HELB: variants seen among roughly 807,000 people sequenced by gnomAD.
HELB encodes the protein DNA helicase B.
In HELB, 96 loss-of-function variants were observed where a neutral mutation model predicts 101.7. The ratio of observed to expected loss-of-function variants is 0.94; its 90% CI spans 0.80 to 1.12. HELB has a LOEUF of 1.12. Ranked by LOEUF, HELB falls within the 50% of genes most tolerant of loss-of-function variation. HELB has a pLI of 0.00. For missense variants in HELB, 1,210 were observed against 1,291.9 expected (o/e 0.94, Z 0.97); for synonymous variants, 437 against 459.7 (o/e 0.95, Z 0.63).
chr12:66,331,869 A>G (rs2053814006), intron 12 of HELB, among the ~76,000 whole-genome samples: 1 of 152,090 alleles, frequency 6.6e-6, no homozygotes, highest in Non-Finnish European at 1.5e-5. Context: ...ACAACTCCCC[A>G]AAGCTCAGTT....
intron 4 of HELB, among the ~76,000 whole-genome samples, chr12:66,313,181 C>T (rs538812785): frequency 6.9e-6 from 1 of 144,772 alleles, no homozygotes; most frequent in East Asian, 2.0e-4. Flanking sequence ...ACTTAATAGA[C>T]AGTTGAATCT....
intron 5 of HELB, among the ~76,000 whole-genome samples, chr12:66,314,661 A>G (rs2053581362): frequency 6.6e-6 from 1 of 152,132 alleles, no homozygotes; most frequent in Non-Finnish European, 1.5e-5. Context: ...ACAATTGGAG[A>G]ATCAAGTTGT....
chr12:66,303,340 A>C (rs2053431912), intron 1 of HELB, among the ~76,000 whole-genome samples: 1 of 152,128 alleles, frequency 6.6e-6, no homozygotes, highest in African/African-American at 2.4e-5. Flanking sequence ...TTGGAAAAAC[A>C]AAACAGTCCG....
downstream of HELB, chr12:66,341,644 T>G (rs1471219829): frequency 6.6e-6 from 1 of 152,184 alleles, no homozygotes; most frequent in Non-Finnish European, 1.5e-5. Context: ...TCTGATATGG[T>G]TTGGCTCTCT....
chr12:66,334,238 A>T (rs578085297), intron 12 of HELB, among the ~76,000 whole-genome samples: 5 of 151,978 alleles, frequency 3.3e-5, no homozygotes, highest in African/African-American at 1.2e-4. Flanking sequence ...AGGCAGGAGG[A>T]TCGCTTGAGC....
chr12:66,328,519 C>G lies in HELB; in HGVS notation c.2671-2635C>G, dbSNP rs76474603. 5.9e-3 allele frequency among the ~76,000 whole-genome samples: 897 copies of G among 151,996 alleles called. 6 individuals are homozygous for G. The highest frequency in any genetic ancestry group is 0.01 in the Non-Finnish European group (694 of 67,954). ...TGGAGGCTGCAGTGAGCTCCTAGCC[C>G]GGGTGACAGAGTGAGACCCTCTCTC... On this transcript the variant is annotated intron_variant, in intron 11 of 12. Transcript: ENST00000247815.
chr12:66,323,866 A>C, intron 9 of HELB, 117 bp from the exon 10 acceptor site: 2 of 695,650 alleles, frequency 2.9e-6, no homozygotes, highest in Non-Finnish European at 4.9e-6. Context: ...AAGTGTTGTA[A>C]ATAAAATGTG....
At chr12:66,325,738 T>G (rs2053729659) in intron 11 of HELB, among the ~76,000 whole-genome samples, 1 of 152,208 alleles carries the variant, frequency 6.6e-6, no homozygotes, top group Admixed American at 6.5e-5. Flanking sequence ...TGCAACTAGC[T>G]TTTATTTTTT....
At position 66,304,953 on chromosome 12, in the gene HELB, C is replaced by T; in HGVS notation, c.410C>T (p.Ser137Phe). ...CTCTTTCTTAAAGAGTGTGAGGTCTCCAGTGATGATGTTAATAAATTTTTA... is the reference window on the plus strand; with the variant it reads ...CTCTTTCTTAAAGAGTGTGAGGTCTTCAGTGATGATGTTAATAAATTTTTA... Reference protein sequence around the residue: ...CALFLKECEVSSDDVNKFLTW... With the variant: ...CALFLKECEVFSDDVNKFLTW... Residue 137 changes from serine (S) to phenylalanine (F), a missense_variant, in exon 2 of 13, where the codon TCC (serine) becomes TTC (phenylalanine). Around this residue, in one of 2 missense-constraint regions of HELB, gnomAD observed 470 missense variants for 563.1 expected, o/e 0.83. Transcript: ENST00000247815. 6.2e-7 allele frequency: 1 copy of T among 1,613,876 alleles called. No homozygotes were observed. The highest frequency in any genetic ancestry group is 8.5e-7 in the Non-Finnish European group (1 of 1,179,886).
chr12:66,316,992 C>G (rs1302604838), intron 6 of HELB, among the ~76,000 whole-genome samples: 2 of 145,068 alleles, frequency 1.4e-5, no homozygotes, highest in Non-Finnish European at 3.0e-5. Flanking sequence ...GCACTCCAGC[C>G]TGGGTGATAC....
Position 66,325,095 on chromosome 12 carries a change from A to G in HELB, c.2639A>G (p.His880Arg), listed in dbSNP as rs774224675. 6.2e-7 allele frequency: 1 copy of G among 1,612,726 alleles called. No homozygotes were observed. Among genetic ancestry groups the G allele is most frequent in the South Asian group, 1.1e-5 (1 of 91,024 alleles). ...CTAATGAAATATTGTCGCATAAAAC[A>G]TGCATGGGCAAGAACTATTCACACT... is the stretch of plus-strand genomic sequence containing the variant. ...KKLMKYCRIKHAWARTIHTFQ... is the reference protein window; with the variant it reads ...KKLMKYCRIKRAWARTIHTFQ... Residue 880 changes from histidine to arginine, a missense_variant, in exon 11 of 13, where the codon CAT (histidine) becomes CGT (arginine). Physicochemically the swap from His to Arg is conservative, Grantham distance 29. Coordinates refer to ENST00000247815, the MANE Select transcript of HELB (RefSeq NM_001370285.1).
rs1451669279 is a variant in HELB at position 66,331,558 on chromosome 12, A to G, written c.3075A>G (p.Val1025=). ...GGCAATTATCTTCACCTGATGGAGT[A>G]GATACAGATGATGATTTACCAAAAT... The part of the protein sequence containing the change: ...ERWQLSSPDG[V]DTDDDLPKSR... Residue 1025 remains valine, a synonymous_variant, in exon 12 of 13, where the codon GTA becomes GTG. Transcript: ENST00000247815. 2 of 1,613,972 alleles carry G rather than the reference A, an allele frequency of 1.2e-6. No homozygotes were observed. Among genetic ancestry groups the G allele is most frequent in the South Asian group, 1.1e-5 (1 of 91,090 alleles).
intron 4 of HELB, among the ~76,000 whole-genome samples, chr12:66,312,962 A>G (rs2053560752): frequency 6.6e-6 from 1 of 152,218 alleles, no homozygotes; most frequent in African/African-American, 2.4e-5. Context: ...TATTGGAGTC[A>G]TCAAGTTGCT....
At chr12:66,335,211 A>G (rs1004979776) in intron 12 of HELB, among the ~76,000 whole-genome samples, 3 of 152,194 alleles carry the variant, frequency 2.0e-5, no homozygotes, top group Non-Finnish European at 4.4e-5. Flanking sequence ...TTAGAGCCTC[A>G]GCAGGGAGTA....
chr12:66,318,457 A>G (rs1027411869), intron 6 of HELB, among the ~76,000 whole-genome samples, 181 bp from the exon 7 acceptor site: 3 of 152,168 alleles, frequency 2.0e-5, no homozygotes, highest in Non-Finnish European at 4.4e-5. Context: ...GTGTAGTACC[A>G]TAAGTTTATT....
chr12:66,318,643 C>G lies in HELB; in HGVS notation c.2006C>G (p.Ser669Ter). The change falls in exon 7 of 13, where the codon TCA (serine) becomes TGA (stop). Residue 669 changes from serine (S) to a stop codon, truncating the protein, a stop_gained. Transcript: ENST00000247815. LOFTEE classifies it high-confidence loss of function. ...QLIVDNATRI[S>*]RRQFPKFDAE... ...GTGTGTTATCTTTATTCAAGAATCT[C>G]AAGACGCCAATTTCCAAAATTTGAT... 1 of 1,592,256 alleles carries G rather than the reference C, an allele frequency of 6.3e-7. No homozygotes were observed. Among genetic ancestry groups the G allele is most frequent in the Non-Finnish European group, 8.5e-7 (1 of 1,174,760 alleles).
At chr12:66,326,444 T>C (rs1432501470) in intron 11 of HELB, among the ~76,000 whole-genome samples, 3 of 151,978 alleles carry the variant, frequency 2.0e-5, no homozygotes, top group Admixed American at 6.6e-5. Context: ...GGTTTCACCA[T>C]GTTGGTCAGG....
At chr12:66,314,729 A>G (rs936267219) in intron 5 of HELB, among the ~76,000 whole-genome samples, 8 of 152,142 alleles carry the variant, frequency 5.3e-5, no homozygotes, top group African/African-American at 1.9e-4. Context: ...AGTTGATTGT[A>G]TTAATGGCTT....
Position 66,302,737 on chromosome 12 carries a change from A to T in HELB, c.134A>T (p.Glu45Val). 1.2e-6 allele frequency: 2 copies of T among 1,613,988 alleles called. No individual in the cohort carries two copies. Among genetic ancestry groups the T allele is most frequent in the African/African-American group, 1.3e-5 (1 of 75,032 alleles). ...EDEESVFIDA[E>V]ELCSGGVKAG... ...GAAGAGTCCGTGTTCATCGACGCCGAGGAGCTCTGCAGTGGGGGCGTAAAG... is the reference window on the plus strand; with the variant it reads ...GAAGAGTCCGTGTTCATCGACGCCGTGGAGCTCTGCAGTGGGGGCGTAAAG... The change falls in exon 1 of 13, where the codon GAG becomes GTG. Residue 45 changes from glutamate to valine, a missense_variant. Around this residue, in one of 2 missense-constraint regions of HELB, gnomAD observed 470 missense variants for 563.1 expected, o/e 0.83. Coordinates refer to ENST00000247815, the MANE Select transcript of HELB (RefSeq NM_001370285.1).
Sources: allele counts gnomAD v4.1 joint callset (sites outside exome capture counted in the v4.1 genomes callset), GRCh38; gene constraint gnomAD v4.1.1; regional missense constraint gnomAD v4.1.1; transcripts MANE v1.5; gene names NCBI Gene and HGNC (gene_info 2026-07-23, HGNC 2026-07-21).